The following ADARB2 variants were observed in gnomAD, a reference collection of about 807,000 sequenced individuals.
ADARB2 encodes the protein adenosine deaminase RNA specific B2 (inactive).
ADARB2 carries 25 observed loss-of-function variants against 62.2 expected under a neutral mutation model. The observed-to-expected ratio is 0.40, with a 90% confidence interval of 0.29 to 0.56. The LOEUF (loss-of-function observed/expected upper bound fraction) is 0.56. Ranked by LOEUF, ADARB2 falls within the 20% of genes least tolerant of loss-of-function variation. ADARB2 has a pLI of 0.43. For synonymous variants in ADARB2, 572 were observed against 500.8 expected (o/e 1.14, Z -1.90); for missense variants, 1,071 against 1,077.4 (o/e 0.99, Z 0.08).
intron 1 of ADARB2, among the ~76,000 whole-genome samples, chr10:1,585,889 C>T (rs1721578060): frequency 6.6e-6 from 1 of 152,098 alleles, no homozygotes; most frequent in African/African-American, 2.4e-5. Flanking sequence ...AAAAAACTGG[C>T]TGGGTGGGGT....
At chr10:1,459,842 G>A (rs146997765) in intron 1 of ADARB2, among the ~76,000 whole-genome samples, 2,116 of 152,346 alleles carry the variant, frequency 0.014, 18 homozygotes, top group Admixed American at 0.024. Context: ...GGAGGCGGGA[G>A]GAGGGAGAGG....
At chr10:1,363,984 A>C in intron 2 of ADARB2, 67 bp from the exon 3 acceptor site, 1 of 1,403,074 alleles carries the variant, frequency 7.1e-7, no homozygotes, top group Middle Eastern at 2.3e-4. Flanking sequence ...CACAGCAGGC[A>C]CTCCCTGAGG....
At chr10:1,439,409 C>G (rs554636478) in intron 1 of ADARB2, among the ~76,000 whole-genome samples, 1 of 145,036 alleles carries the variant, frequency 6.9e-6, no homozygotes, top group African/African-American at 2.6e-5. Context: ...TGAGTCTCCC[C>G]CAGGACAGAG....
At chr10:1,314,809 A>G (rs1831723028) in intron 3 of ADARB2, among the ~76,000 whole-genome samples, 2 of 152,278 alleles carry the variant, frequency 1.3e-5, no homozygotes, top group East Asian at 1.9e-4. Flanking sequence ...CAGGAGGAAC[A>G]TGGCCTCGGA....
At chr10:1,533,867 G>T (rs1832283283) in intron 1 of ADARB2, among the ~76,000 whole-genome samples, 3 of 152,162 alleles carry the variant, frequency 2.0e-5, no homozygotes, top group Admixed American at 1.3e-4. Flanking sequence ...AGGGAGGCTA[G>T]TCCACGTTCA....
At chr10:1,735,661 A>T (rs1835291019) in intron 1 of ADARB2, among the ~76,000 whole-genome samples, 1 of 152,208 alleles carries the variant, frequency 6.6e-6, no homozygotes, top group African/African-American at 2.4e-5. Flanking sequence ...GATAATTTCA[A>T]ACAACAAAGT....
Position 1,576,143 on chromosome 10 carries a change from G to GGCATCA in ADARB2, c.100+160907_100+160908insTGATGC, listed in dbSNP as rs1398035854. ...GGAGGGGGCCCAGGGTCACAAGAGG[G>GGCATCA]GGGTCCACGGTCACAGGAGGGGGGT... On this transcript the variant is annotated intron_variant, in intron 1 of 9. Coordinates refer to ENST00000381312, the MANE Select transcript of ADARB2 (RefSeq NM_018702.4). 5.1e-3 allele frequency among the ~76,000 whole-genome samples: 644 copies of GGCATCA among 126,128 alleles called. 1 individual carries two copies. Among genetic ancestry groups the GGCATCA allele is most frequent in the Middle Eastern group, 8.5e-3 (2 of 234 alleles). 82.7% of individuals were successfully genotyped at this position (126,128 alleles called of 152,430 possible). A position where few individuals can be genotyped will look rare whatever the true frequency, so the allele number is the denominator to read the frequency against.
chr10:1,503,026 G>A (rs1224436273), intron 1 of ADARB2, among the ~76,000 whole-genome samples: 1 of 152,158 alleles, frequency 6.6e-6, no homozygotes, highest in Non-Finnish European at 1.5e-5. Context: ...TTAAGGAATA[G>A]CAATGAGATT....
chr10:1,526,173 TG>T (rs144400786), intron 1 of ADARB2, among the ~76,000 whole-genome samples: 2,249 of 150,184 alleles, frequency 0.015, 52 homozygotes, highest in African/African-American at 0.052. Context: ...TCCTGGGATT[TG>T]GAAAGGACAC....
chr10:1,444,803 A>C lies in ADARB2; in HGVS notation c.101-65643T>G, dbSNP rs377165844. On this transcript the variant is annotated intron_variant, in intron 1 of 9. Coordinates refer to ENST00000381312, the MANE Select transcript of ADARB2 (RefSeq NM_018702.4). ...TTTCCATCCATCCACCCACTCATTCATTCTTCCATACACCCAGCCATCCAC... is the reference window on the plus strand; with the variant it reads ...TTTCCATCCATCCACCCACTCATTCCTTCTTCCATACACCCAGCCATCCAC... Among the ~76,000 whole-genome samples, 4 of 142,642 alleles carry C rather than the reference A, an allele frequency of 2.8e-5. No homozygotes were observed. In the South Asian group the frequency reaches 9.1e-4, roughly 33 times the overall value. The allele number at this position is 142,642 out of a possible 152,430, so 93.6% of individuals were successfully genotyped here.
intron 3 of ADARB2, among the ~76,000 whole-genome samples, chr10:1,351,346 T>C (rs918123248): frequency 1.3e-5 from 2 of 152,096 alleles, no homozygotes; most frequent in African/African-American, 4.8e-5. Flanking sequence ...CCACATTACC[T>C]TCTTTTCAAA....
intron 3 of ADARB2, among the ~76,000 whole-genome samples, chr10:1,337,062 C>CTGTGTG (rs145511384): frequency 0.038 from 5,466 of 142,108 alleles, 126 homozygotes; most frequent in East Asian, 0.12. Context: ...TTAAAGATTT[C>CTGTGTG]TGTGTGTGTG....
chr10:1,300,007 G>T (rs568535566), intron 3 of ADARB2, among the ~76,000 whole-genome samples: 60 of 152,158 alleles, frequency 3.9e-4, no homozygotes, highest in Non-Finnish European at 6.3e-4. Flanking sequence ...GACCCTGGAG[G>T]CAGAGGTCCT....
At chr10:1,187,960 A>T (rs546125896) in intron 8 of ADARB2, 148 of 258,312 alleles carry the variant, frequency 5.7e-4, no homozygotes, top group Non-Finnish European at 1.1e-3. Context: ...TTCAGTTCTA[A>T]CTACAACAGC....
intron 1 of ADARB2, among the ~76,000 whole-genome samples, chr10:1,637,309 C>T (rs11250688): frequency 3.9e-5 from 6 of 152,284 alleles, no homozygotes; most frequent in East Asian, 1.9e-4. Context: ...GAAGGAGCAG[C>T]GTTGCCTGTC....
At chr10:1,612,813 A>G (rs1833588349) in intron 1 of ADARB2, among the ~76,000 whole-genome samples, 1 of 152,204 alleles carries the variant, frequency 6.6e-6, no homozygotes, top group African/African-American at 2.4e-5. Flanking sequence ...GGTACATAAT[A>G]TCCTCGTTTT....
chr10:1,650,141 G>A (rs1236393893), intron 1 of ADARB2, among the ~76,000 whole-genome samples: 1 of 152,228 alleles, frequency 6.6e-6, no homozygotes. Context: ...TGCAAGACTG[G>A]CTACGTTCAT....
chr10:1,536,851 T>C (rs1832339169), intron 1 of ADARB2, among the ~76,000 whole-genome samples: 1 of 151,984 alleles, frequency 6.6e-6, no homozygotes, highest in South Asian at 2.1e-4. Context: ...CCCCAAACCA[T>C]AAAAACCCTA....
intron 1 of ADARB2, among the ~76,000 whole-genome samples, chr10:1,479,396 G>A (rs571833365): frequency 1.3e-5 from 2 of 152,280 alleles, no homozygotes; most frequent in South Asian, 2.1e-4. Flanking sequence ...TCAGACCCTC[G>A]GCCTCACACG....
Sources: allele counts gnomAD v4.1 joint callset (sites outside exome capture counted in the v4.1 genomes callset), GRCh38; gene constraint gnomAD v4.1.1; transcripts MANE v1.5; gene names NCBI Gene and HGNC (gene_info 2026-07-23, HGNC 2026-07-21).